HCN4: variants seen among roughly 807,000 people sequenced by gnomAD.
HCN4 encodes hyperpolarization activated cyclic nucleotide gated potassium channel 4.
HCN4 carries 29 observed loss-of-function variants against 76.9 expected under a neutral mutation model. The observed-to-expected ratio is 0.38, with a 90% CI of 0.28 to 0.51. The LOEUF is 0.51. Ranked by LOEUF, HCN4 falls within the 20% of genes least tolerant of loss-of-function variation. The pLI is 0.90. For synonymous variants in HCN4, 772 were observed against 762.5 expected (o/e 1.01, Z -0.21); for missense variants, 1,416 against 1,715.2 (o/e 0.83, Z 3.08).
At chr15:73,337,008 C>T (rs1457833488) in intron 2 of HCN4, among the ~76,000 whole-genome samples, 1 of 152,220 alleles carries the variant, frequency 6.6e-6, no homozygotes, top group Non-Finnish European at 1.5e-5. Context: ...CCTTCATGTC[C>T]TTGAATGCCC....
intron 1 of HCN4, among the ~76,000 whole-genome samples, chr15:73,355,816 G>T (rs1440530279): frequency 6.6e-6 from 1 of 152,158 alleles, no homozygotes; most frequent in Non-Finnish European, 1.5e-5. Context: ...CTGCTTCACA[G>T]TGCTCCAAGT....
chr15:73,343,711 A>G lies in HCN4; in HGVS notation c.883T>C (p.Trp295Arg). The change falls in exon 2 of 8, where the codon TGG (tryptophan) becomes CGG (arginine). Residue 295 changes from tryptophan (W) to arginine (R), a missense_variant. Trp to Arg is a moderately radical substitution (Grantham distance 101). This residue lies in a region of HCN4 where 52 missense variants were observed against 129.1 expected (regional missense o/e 0.40). Transcript: ENST00000261917. This position sits in a 1 kb window ranked among gnomAD's most constrained non-coding sequence, Gnocchi z 5.7. ...TCTGACACCACATTGAAGACAATCCAGGGTGTGGTGTTCTCATCCTTGAAG... is the reference window on the plus strand; with the variant it reads ...TCTGACACCACATTGAAGACAATCCGGGGTGTGGTGTTCTCATCCTTGAAG... ...TFFKDENTTP[W>R]IVFNVVSDTF... 6.2e-7 allele frequency: 1 copy of G among 1,614,192 alleles called. No homozygotes were observed. The highest frequency in any genetic ancestry group is 8.5e-7 in the Non-Finnish European group (1 of 1,180,014).
At chr15:73,361,864 C>A (rs1376631007) in intron 1 of HCN4, among the ~76,000 whole-genome samples, 1 of 152,248 alleles carries the variant, frequency 6.6e-6, no homozygotes, top group Admixed American at 6.5e-5. Flanking sequence ...GTCCTCCTCT[C>A]AGCTGGCCCC....
rs2042852756 is a variant in HCN4, at chr15:73,320,785, A to G, written c.*1696T>C. On this transcript the variant is annotated 3_prime_UTR_variant, in exon 8 of 8. Coordinates refer to ENST00000261917, the MANE Select transcript of HCN4 (RefSeq NM_005477.3). ...TCCACCTCAGGAATCTCCCCACCAT[A>G]CACTCCATCCCACCCACCATTCCCT... 1 of 151,882 alleles carries G rather than the reference A, an allele frequency of 6.6e-6. No homozygotes were observed. Among genetic ancestry groups the G allele is most frequent in the South Asian group, 2.1e-4 (1 of 4,798 alleles). 9.4% of individuals were successfully genotyped at this position (151,882 alleles called of 1,614,324 possible).
In HCN4 at chr15:73,325,238, G is replaced by A; in HGVS notation, c.1738-43C>T. Reference sequence around the variant, plus strand: ...TTGGGACACGGGAAGGAGGTGGTGAGGGGAGCTGGCTGCCAGGAAGGCCTG... The same window carrying A: ...TTGGGACACGGGAAGGAGGTGGTGAAGGGAGCTGGCTGCCAGGAAGGCCTG... On this transcript the variant is annotated intron_variant, in intron 5 of 7. Transcript: ENST00000261917. This position sits in a 1 kb window ranked among gnomAD's most constrained non-coding sequence, Gnocchi z 7.4. 2 of 1,614,084 alleles carry A rather than the reference G, an allele frequency of 1.2e-6. No individual in the cohort carries two copies. The highest frequency in any genetic ancestry group is 1.7e-6 in the Non-Finnish European group (2 of 1,179,976).
intron 7 of HCN4, 59 bp downstream of exon 7, chr15:73,324,030 G>A (rs926285635): frequency 1.2e-6 from 2 of 1,609,686 alleles, no homozygotes; most frequent in Non-Finnish European, 1.7e-6. Context: ...GCATAAAGGA[G>A]CCCTGCCCTC....
intron 2 of HCN4, among the ~76,000 whole-genome samples, chr15:73,333,376 C>T (rs531388567): frequency 6.6e-6 from 1 of 152,330 alleles, no homozygotes; most frequent in Middle Eastern, 3.4e-3. Context: ...GGCAAAGACA[C>T]CCCTCTTGGA....
intron 2 of HCN4, among the ~76,000 whole-genome samples, chr15:73,334,779 C>A (rs1462648667): frequency 2.6e-5 from 4 of 152,256 alleles, no homozygotes; most frequent in Middle Eastern, 3.4e-3. Context: ...TCTCTGCACA[C>A]CCGTCATAGA....
Position 73,325,378 on chromosome 15 carries a change from C to T in HCN4, c.1657G>A (p.Asp553Asn), listed in dbSNP as rs104894485. The T allele has an allele frequency of 2.7e-5, 44 of 1,614,112 alleles. No homozygotes were observed. The East Asian group carries it at 6.5e-4, about 24-fold the overall frequency. Reference sequence around the variant, plus strand: ...CCCTGGTAGCGGTGCTCGTAGTAGTCGTGGATGCGCTGCCGGGTGTCGGGC... The same window carrying T: ...CCCTGGTAGCGGTGCTCGTAGTAGTTGTGGATGCGCTGCCGGGTGTCGGGC... ...LPPDTRQRIH[D>N]YYEHRYQGKM... Residue 553 changes from aspartate (D) to asparagine (N), a missense_variant, in exon 5 of 8, where the codon GAC becomes AAC. Physicochemically the swap from Asp to Asn is conservative, Grantham distance 23. Coordinates refer to ENST00000261917, the MANE Select transcript of HCN4 (RefSeq NM_005477.3). This position sits in a 1 kb window ranked among gnomAD's most constrained non-coding sequence, Gnocchi z 7.4.
intron 1 of HCN4, among the ~76,000 whole-genome samples, chr15:73,355,758 C>T (rs79273104): frequency 6.6e-6 from 1 of 151,692 alleles, no homozygotes; most frequent in Non-Finnish European, 1.5e-5. Flanking sequence ...TATGTACATG[C>T]GCACACACAC....
In HCN4 at chr15:73,353,004, AGATGGATG is replaced by A. The variant is rs756120632; in HGVS notation, c.786-9204_786-9197del. Among the ~76,000 whole-genome samples the A allele has an allele frequency of 1.4e-3, 216 of 150,920 alleles. 1 individual carries two copies. The highest frequency in any genetic ancestry group is 6.8e-3 in the Middle Eastern group (2 of 292). On this transcript the variant is annotated intron_variant, in intron 1 of 7. Coordinates refer to ENST00000261917, the MANE Select transcript of HCN4 (RefSeq NM_005477.3). Reference sequence around the variant, plus strand: ...CTTATTGTTAAATGGATGGATGGACAGATGGATGGATGGATGGATGGATGGATGGATGG... The same window carrying A: ...CTTATTGTTAAATGGATGGATGGACAGATGGATGGATGGATGGATGGATGG...
chr15:73,329,515 T>A, intron 4 of HCN4, 58 bp downstream of exon 4: 1 of 1,540,936 alleles, frequency 6.5e-7, no homozygotes, highest in Non-Finnish European at 8.9e-7. Flanking sequence ...CACTGGCTGG[T>A]GGCCTGTGCT....
intron 1 of HCN4, among the ~76,000 whole-genome samples, chr15:73,354,796 T>G (rs1212944866): frequency 1.3e-5 from 2 of 152,160 alleles, no homozygotes; most frequent in African/African-American, 2.4e-5. Context: ...ATCATCATCA[T>G]CATCATTCTA....
At position 73,343,580 on chromosome 15, in the gene HCN4, C is replaced by G. The variant is rs147771899; in HGVS notation, c.1014G>C (p.Leu338=). ...TGAAATCTACCATGAACCAGCTTTT[C>G]AGGTACTTCATTTTAATCCGCTGCG... is the stretch of plus-strand genomic sequence containing the variant. The part of the protein sequence containing the change: ...LDPQRIKMKY[L]KSWFMVDFIS... The change falls in exon 2 of 8, where the codon CTG becomes CTC. Residue 338 remains leucine, a synonymous_variant. Coordinates refer to ENST00000261917, the MANE Select transcript of HCN4 (RefSeq NM_005477.3). The surrounding 1 kb of genome is among the most constrained non-coding windows in gnomAD (Gnocchi z 5.7). 4.3e-5 allele frequency: 70 copies of G among 1,614,030 alleles called. No individual in the cohort carries two copies. In the African/African-American group the frequency reaches 8.8e-4, roughly 20 times the overall value.
rs535968590 is a variant in HCN4 at position 73,361,415 on chromosome 15, G to T, written c.785+6071C>A. On this transcript the variant is annotated intron_variant, in intron 1 of 7. Transcript: ENST00000261917. ...CAAAGCCAACACAATGCCCCTGCCCGCCCATGGCCCTCTCTGTCTGGGAAA... is the reference window on the plus strand; with the variant it reads ...CAAAGCCAACACAATGCCCCTGCCCTCCCATGGCCCTCTCTGTCTGGGAAA... 9.8e-5 allele frequency among the ~76,000 whole-genome samples: 15 copies of T among 152,288 alleles called. No individual in the cohort carries two copies. The South Asian group carries it at 2.9e-3, about 29-fold the overall frequency.
At chr15:73,336,155 G>C (rs1168465230) in intron 2 of HCN4, among the ~76,000 whole-genome samples, 1 of 152,298 alleles carries the variant, frequency 6.6e-6, no homozygotes, top group Middle Eastern at 3.4e-3. Flanking sequence ...AGATGCTGCT[G>C]TGGGGCTGGA....
rs1277379168 is a variant in HCN4, at chr15:73,328,133, G to A, written c.1590+1440C>T. ...CCACAGAGTGCCGAGTGTGGTGAAG[G>A]AGGAGAGGGTGCCATGGGGTCACAT... is the stretch of plus-strand genomic sequence containing the variant. On this transcript the variant is annotated intron_variant, in intron 4 of 7. Transcript: ENST00000261917. This position sits in a 1 kb window ranked among gnomAD's most constrained non-coding sequence, Gnocchi z 4.0. Among the ~76,000 whole-genome samples, 1 of 152,148 alleles carries A rather than the reference G, an allele frequency of 6.6e-6. No homozygotes were observed. The highest frequency in any genetic ancestry group is 6.5e-5 in the Admixed American group (1 of 15,282).
chr15:73,326,817 C>T (rs1200500887), intron 4 of HCN4, among the ~76,000 whole-genome samples: 1 of 147,404 alleles, frequency 6.8e-6, no homozygotes, highest in African/African-American at 2.5e-5. Flanking sequence ...GACAGGGTCT[C>T]GTTGTGTTGC....
At position 73,323,204 on chromosome 15, in the gene HCN4, G is replaced by T; in HGVS notation, c.2889C>A (p.Pro963=). 6.5e-7 allele frequency: 1 copy of T among 1,537,726 alleles called. No individual in the cohort carries two copies. ...GLPEHFLPPP[P]SSRSPSSSPG... is the part of the protein sequence containing the mutation. The stretch of plus-strand genomic sequence containing the variant: ...GGCTAGATGACGGGGATCTGGATGA[G>T]GGTGGGGGTGGCAGGAAGTGCTCCG... Residue 963 remains proline, a synonymous_variant, in exon 8 of 8, where the codon CCC becomes CCA. Coordinates refer to ENST00000261917, the MANE Select transcript of HCN4 (RefSeq NM_005477.3).
Sources: gnomAD v4.1 joint callset for allele counts (sites outside exome capture counted in the v4.1 genomes callset) on GRCh38, gnomAD v4.1.1 for gene constraint, gnomAD v4.1.1 regional missense constraint, Gnocchi (gnomAD v3.1) non-coding constraint, MANE v1.5 for transcripts, NCBI Gene and HGNC (gene_info 2026-07-23, HGNC 2026-07-21) for gene names.